Variants in ROBO1 observed in about 807,000 individuals in gnomAD.
The protein encoded by ROBO1 is roundabout guidance receptor 1.
In ROBO1, 149 loss-of-function variants were observed where a neutral mutation model predicts 195.9. That is an observed-to-expected ratio of 0.76 (90% CI 0.67 to 0.87). The LOEUF (loss-of-function observed/expected upper bound fraction) is 0.87. Among genes scored for constraint, ROBO1 ranks in the 40% least tolerant of loss-of-function variants. ROBO1 has a pLI of 0.00. For synonymous variants in ROBO1, 816 were observed against 733.2 expected, an observed-to-expected ratio of 1.11 and a Z score of -1.82; for missense variants, 1,933 against 2,068.3, an observed-to-expected ratio of 0.93 and a Z score of 1.27.
intron 2 of ROBO1, among the ~76,000 whole-genome samples, chr3:79,251,157 G>A (rs1205458554): frequency 1.3e-5 from 2 of 152,102 alleles, no homozygotes. Context: ...AGAATTATAT[G>A]TATATAATTA....
rs752866018 is a variant in ROBO1, at chr3:79,011,610, G to A, written c.173-72683C>T. On this transcript the variant is annotated intron_variant, in intron 3 of 30. Transcript: ENST00000464233. ...AATCTAGCCTTCTACCAAAACCCAG[G>A]AATGAACTTAGCAAGTTGGTGTTTT... Among the ~76,000 whole-genome samples the A allele has an allele frequency of 4.5e-4, 68 of 150,898 alleles. 1 individual carries two copies. The highest frequency in any genetic ancestry group is 8.0e-4 in the Non-Finnish European group (54 of 67,738).
chr3:79,537,749 G>C (rs1490110208), intron 2 of ROBO1, among the ~76,000 whole-genome samples: 1 of 152,052 alleles, frequency 6.6e-6, no homozygotes, highest in Non-Finnish European at 1.5e-5. Context: ...AGTGGGGAGA[G>C]GGGAGGGAGA....
intron 1 of ROBO1, among the ~76,000 whole-genome samples, chr3:79,623,888 A>G (rs1315513898): frequency 6.6e-6 from 1 of 152,194 alleles, no homozygotes; most frequent in Non-Finnish European, 1.5e-5. Context: ...CCCAAGACGC[A>G]TAATCATCAA....
intron 4 of ROBO1, among the ~76,000 whole-genome samples, chr3:78,896,339 G>A (rs2037227591): frequency 1.3e-5 from 2 of 152,074 alleles, no homozygotes; most frequent in Admixed American, 1.3e-4. Flanking sequence ...CAGATGGCCT[G>A]AAGCAACTGA....
chr3:78,979,312 C>T (rs183078772), intron 3 of ROBO1, among the ~76,000 whole-genome samples: 4 of 152,214 alleles, frequency 2.6e-5, no homozygotes, highest in Admixed American at 2.0e-4. Flanking sequence ...GGAAAAAATC[C>T]GGGCTTTTAT....
intron 2 of ROBO1, among the ~76,000 whole-genome samples, chr3:79,193,778 C>A (rs906145396): frequency 6.6e-6 from 1 of 151,418 alleles, no homozygotes; most frequent in South Asian, 2.1e-4. Context: ...CACTCCAGGA[C>A]TGAGCCCTAG....
At chr3:78,745,884 C>A (rs777604922) in intron 5 of ROBO1, among the ~76,000 whole-genome samples, 1 of 152,156 alleles carries the variant, frequency 6.6e-6, no homozygotes, top group African/African-American at 2.4e-5. Context: ...TTAGGTTGTG[C>A]GGTCTACATT....
Position 78,938,623 on chromosome 3 carries a change from G to A in ROBO1, c.477C>T (p.His159=). The A allele has an allele frequency of 3.7e-6, 6 of 1,611,494 alleles. No homozygotes were observed. Among genetic ancestry groups the A allele is most frequent in the Non-Finnish European group, 5.1e-6 (6 of 1,177,890 alleles). ...ARNYLGEAVS[H]NASLEVAILR... ...TACTGGCTACTTCCAGCGATGCATT[G>A]TGGCTCACAGCCTCTCCAAGGTAAT... is the stretch of plus-strand genomic sequence containing the variant. The change falls in exon 4 of 31, where the codon CAC becomes CAT. Residue 159 remains histidine (H), a synonymous_variant. Coordinates refer to ENST00000464233, the MANE Select transcript of ROBO1 (RefSeq NM_002941.4).
At chr3:79,426,052 A>C (rs1463928969) in intron 2 of ROBO1, among the ~76,000 whole-genome samples, 1 of 152,174 alleles carries the variant, frequency 6.6e-6, no homozygotes, top group Non-Finnish European at 1.5e-5. Context: ...TTTAGTATCC[A>C]GAAGGAACTG....
At position 78,839,241 on chromosome 3, in the gene ROBO1, T is replaced by G. The variant is rs1244677653; in HGVS notation, c.500-92341A>C. ...TGATCACCTGATCCTAAGTTATTTT[T>G]TTAAAAATTATTACTACTACCATCA... On this transcript the variant is annotated intron_variant, in intron 4 of 30. Coordinates refer to ENST00000464233, the MANE Select transcript of ROBO1 (RefSeq NM_002941.4). Among the ~76,000 whole-genome samples the G allele has an allele frequency of 2.0e-5, 3 of 152,234 alleles. 1 individual carries two copies. In the East Asian group the frequency reaches 5.8e-4, roughly 30 times the overall value.
intron 1 of ROBO1, among the ~76,000 whole-genome samples, chr3:79,610,991 T>G (rs972425244): frequency 1.3e-5 from 2 of 152,088 alleles, no homozygotes; most frequent in Non-Finnish European, 2.9e-5. Context: ...ATTGGCTTAT[T>G]ATAATCTCTT....
Position 78,884,746 on chromosome 3 carries a change from GGAAA to G in ROBO1, c.499+53851_499+53854del, listed in dbSNP as rs372004207. Among the ~76,000 whole-genome samples the G allele has an allele frequency of 6.1e-3, 907 of 147,766 alleles. 21 individuals are homozygous for G. The highest frequency in any genetic ancestry group is 0.019 in the African/African-American group (766 of 39,628). Reference sequence around the variant, plus strand: ...GAAAGGAAGGAAGGAAGGAAAGAAAGGAAAGAAAGAAAGAAAGAAAATTTAATAG... The same window carrying G: ...GAAAGGAAGGAAGGAAGGAAAGAAAGGAAAGAAAGAAAGAAAATTTAATAG... On this transcript the variant is annotated intron_variant, in intron 4 of 30. Coordinates refer to ENST00000464233, the MANE Select transcript of ROBO1 (RefSeq NM_002941.4).
intron 2 of ROBO1, among the ~76,000 whole-genome samples, chr3:79,222,608 G>T: frequency 6.6e-6 from 1 of 150,612 alleles, no homozygotes; most frequent in African/African-American, 2.4e-5. Flanking sequence ...AACATTTGTG[G>T]ATTGTAAAAG....
chr3:79,605,982 A>ATG (rs966171244), intron 1 of ROBO1, among the ~76,000 whole-genome samples: 18 of 133,702 alleles, frequency 1.3e-4, no homozygotes, highest in Admixed American at 2.8e-4. Context: ...GTTTACATAT[A>ATG]TGTGTGTGTG....
At chr3:79,640,917 G>A (rs983077484) in intron 1 of ROBO1, among the ~76,000 whole-genome samples, 2 of 152,100 alleles carry the variant, frequency 1.3e-5, no homozygotes, top group African/African-American at 4.8e-5. Context: ...TGAATTTCCA[G>A]AGAATGTAAA....
chr3:79,450,666 C>T (rs2039414266), intron 2 of ROBO1, among the ~76,000 whole-genome samples: 1 of 151,842 alleles, frequency 6.6e-6, no homozygotes, highest in Non-Finnish European at 1.5e-5. Flanking sequence ...TCTTAATCTC[C>T]TTTCTATAGT....
At chr3:79,138,866 GA>G (rs1176405690) in intron 2 of ROBO1, among the ~76,000 whole-genome samples, 1 of 151,758 alleles carries the variant, frequency 6.6e-6, no homozygotes, top group African/African-American at 2.4e-5. Context: ...ATTCTGATTT[GA>G]ATGAATGGAG....
intron 3 of ROBO1, among the ~76,000 whole-genome samples, chr3:78,968,343 T>C (rs1409631926): frequency 6.6e-6 from 1 of 150,432 alleles, no homozygotes; most frequent in Non-Finnish European, 1.5e-5. Context: ...GGTGCGATCT[T>C]GGCTCACTGC....
intron 25 of ROBO1, among the ~76,000 whole-genome samples, chr3:78,628,601 T>C (rs903129804): frequency 6.6e-6 from 1 of 152,174 alleles, no homozygotes; most frequent in African/African-American, 2.4e-5. Flanking sequence ...CCCTTGTTCA[T>C]TCTCTACCAT....
Sources: gnomAD v4.1 joint callset for allele counts (sites outside exome capture counted in the v4.1 genomes callset) on GRCh38, gnomAD v4.1.1 for gene constraint, MANE v1.5 for transcripts, NCBI Gene and HGNC (gene_info 2026-07-23, HGNC 2026-07-21) for gene names.